Variants in LONRF3 observed in about 807,000 individuals in gnomAD.
The protein encoded by LONRF3 is LON peptidase N-terminal domain and RING finger protein 3.
Under a neutral mutation model 51.7 loss-of-function variants are expected in LONRF3, and 19 were observed. The ratio of observed to expected loss-of-function variants is 0.37; its 90% CI spans 0.26 to 0.54. The LOEUF (loss-of-function observed/expected upper bound fraction) is 0.54, where lower values mean the gene tolerates loss of function less well. Among genes scored for constraint, LONRF3 ranks in the 20% least tolerant of loss-of-function variants. The probability of loss-of-function intolerance (pLI) is 0.86; values close to 1 mark genes in which losing one functional copy is unlikely to be tolerated. For missense variants in LONRF3, 521 were observed against 623.9 expected, an observed-to-expected ratio of 0.84 and a Z score of 1.76; for synonymous variants, 265 against 257.8, an observed-to-expected ratio of 1.03 and a Z score of -0.27.
At chrX:118,981,817 G>C (rs1005049942) in intron 2 of LONRF3, among the ~76,000 whole-genome samples, 17 of 112,336 alleles carry the variant, frequency 1.5e-4, no homozygotes, top group African/African-American at 5.5e-4. Flanking sequence ...GGCCTGCAAA[G>C]AGGCATGTTA....
chrX:119,008,172 T>A (rs1924860710), intron 6 of LONRF3, among the ~76,000 whole-genome samples: 1 of 112,050 alleles, frequency 8.9e-6, no homozygotes, highest in Non-Finnish European at 1.9e-5. Flanking sequence ...CTATCTCTGT[T>A]TATTCACATA....
Position 119,013,178 on chromosome X carries a change from A to G in LONRF3, c.1951A>G (p.Ile651Val), listed in dbSNP as rs905529646. ...SQRDGYNTADIEYIEDQKVQG... is the reference protein window; with the variant it reads ...SQRDGYNTADVEYIEDQKVQG... ...GCGGGATGGCTACAACACAGCCGAC[A>G]TTGAATACATTGAAGACCAAAAGGT... The change falls in exon 9 of 11, where the codon ATT becomes GTT. Residue 651 changes from isoleucine (I) to valine (V), a missense_variant. Around this residue, in one of 2 missense-constraint regions of LONRF3, gnomAD observed 145 missense variants for 247.2 expected, o/e 0.59. Transcript: ENST00000371628. 8.3e-7 allele frequency: 1 copy of G among 1,209,656 alleles called. No homozygotes were observed. Among genetic ancestry groups the G allele is most frequent in the Non-Finnish European group, 1.1e-6 (1 of 894,981 alleles).
chrX:119,006,943 C>G (rs187977368), intron 6 of LONRF3, among the ~76,000 whole-genome samples: 1 of 108,526 alleles, frequency 9.2e-6, no homozygotes, highest in Non-Finnish European at 1.9e-5. Context: ...AGGCTGGTCT[C>G]GAACTCCTGA....
chrX:119,007,675 A>G (rs766448100), intron 6 of LONRF3, among the ~76,000 whole-genome samples: 1 of 111,846 alleles, frequency 8.9e-6, no homozygotes, highest in South Asian at 3.8e-4. Flanking sequence ...TCACCCCAGT[A>G]TTTAAATTAA....
rs1200170930 is a variant in LONRF3 at position 118,975,212 on chromosome X, C to T, written c.432C>T (p.Ala144=). 2 of 1,171,686 alleles carry T rather than the reference C, an allele frequency of 1.7e-6. No homozygotes were observed. Among genetic ancestry groups the T allele is most frequent in the East Asian group, 3.2e-5 (1 of 31,216 alleles). The change falls in exon 1 of 11, where the codon GCC becomes GCT. Residue 144 remains alanine, a synonymous_variant. Transcript: ENST00000371628. ...GTVAAEETGA[A]AAAAATEVWD... Reference sequence around the variant, plus strand: ...TGGCGGCGGAAGAGACGGGGGCCGCCGCGGCTGCGGCGGCCACCGAGGTGT... The same window carrying T: ...TGGCGGCGGAAGAGACGGGGGCCGCTGCGGCTGCGGCGGCCACCGAGGTGT...
intron 2 of LONRF3, among the ~76,000 whole-genome samples, chrX:118,978,800 C>T (rs1009236585): frequency 9.0e-6 from 1 of 110,906 alleles, no homozygotes; most frequent in Non-Finnish European, 1.9e-5. Context: ...ACTTAACTTC[C>T]CAGTACTTCA....
At chrX:119,013,006 A>G (rs377579748) in intron 8 of LONRF3, 33 bp from the exon 9 acceptor site, 18 of 1,206,488 alleles carry the variant, frequency 1.5e-5, no homozygotes, top group Non-Finnish European at 2.0e-5. Flanking sequence ...CTCATCAAGG[A>G]TCTAGTCTCT....
chrX:119,014,584 G>T (rs12851824), intron 10 of LONRF3, among the ~76,000 whole-genome samples: 1 of 111,613 alleles, frequency 9.0e-6, no homozygotes, highest in Non-Finnish European at 1.9e-5. Flanking sequence ...TGGATCCAAG[G>T]CAGGTTTTGA....
Position 118,993,293 on chromosome X carries a change from G to C in LONRF3, c.1415+2733G>C, listed in dbSNP as rs777564224. ...CAAAAACTGGCACAAGAAGTGAAGG[G>C]AGAAATATTCATGGAAATAGGTAGC... On this transcript the variant is annotated intron_variant, in intron 5 of 10. Transcript: ENST00000371628. Among the ~76,000 whole-genome samples, 3 of 111,669 alleles carry C rather than the reference G, an allele frequency of 2.7e-5. No homozygotes were observed. In the South Asian group the frequency reaches 1.1e-3, roughly 42 times the overall value.
At chrX:118,994,687 C>T (rs2147284878) in intron 5 of LONRF3, among the ~76,000 whole-genome samples, 1 of 111,678 alleles carries the variant, frequency 9.0e-6, no homozygotes, top group South Asian at 3.8e-4. Flanking sequence ...AGGCATGAGT[C>T]ACTGCACCCG....
chrX:118,979,533 A>G (rs1487900190), intron 2 of LONRF3, among the ~76,000 whole-genome samples: 1 of 105,708 alleles, frequency 9.5e-6, no homozygotes, highest in Non-Finnish European at 1.9e-5. Context: ...CAAGCAATCC[A>G]CTTGCCTCAG....
intron 1 of LONRF3, among the ~76,000 whole-genome samples, chrX:118,977,735 G>C (rs1370805711): frequency 8.9e-6 from 1 of 112,194 alleles, no homozygotes; most frequent in Non-Finnish European, 1.9e-5. Flanking sequence ...TTTTTGGTGA[G>C]AGCCGGCCTC....
chrX:119,012,919 A>G, intron 8 of LONRF3, 120 bp from the exon 9 acceptor site: 1 of 1,203,115 alleles, frequency 8.3e-7, no homozygotes, highest in Admixed American at 2.2e-5. Flanking sequence ...ACCCAGGGAC[A>G]GGAAAATAGG....
chrX:118,989,464 T>A lies in LONRF3; in HGVS notation c.1116T>A (p.Asp372Glu). The change falls in exon 4 of 11, where the codon GAT becomes GAA. Residue 372 changes from aspartate (D) to glutamate (E), a missense_variant. Physicochemically the swap from Asp to Glu is conservative, Grantham distance 45. Coordinates refer to ENST00000371628, the MANE Select transcript of LONRF3 (RefSeq NM_001031855.3). ...AGGAGGAAGCAGCAGCCAGGGGAGA[T>A]GGCAGCAGTCTGATGGACCCAGCTA... ...SSQEEAAARG[D>E]GSSLMDPAKV... 1 of 1,210,926 alleles carries A rather than the reference T, an allele frequency of 8.3e-7. No homozygotes were observed. Among genetic ancestry groups the A allele is most frequent in the Non-Finnish European group, 1.1e-6 (1 of 895,164 alleles).
Position 118,987,107 on chromosome X carries a change from C to T in LONRF3, c.1060-2301C>T, listed in dbSNP as rs139795843. 7.4e-5 allele frequency: 83 copies of T among 1,122,557 alleles called. No homozygotes were observed. The African/African-American group carries it at 1.3e-3, about 18-fold the overall frequency. The allele number at this position is 1,122,557 out of a possible 1,213,427, so 92.5% of individuals were successfully genotyped here. On this transcript the variant is annotated intron_variant, in intron 3 of 10. Transcript: ENST00000371628. ...TAAAACTCAACTCACCCAGCTCGCT[C>T]GTGACGCTTCGTTTGGCTGTTTTGT... is the stretch of plus-strand genomic sequence containing the variant.
chrX:118,992,957 A>G (rs1923535268), intron 5 of LONRF3, among the ~76,000 whole-genome samples: 1 of 111,512 alleles, frequency 9.0e-6, no homozygotes, highest in African/African-American at 3.3e-5. Flanking sequence ...AGCCACACCC[A>G]TAGGAAAAGG....
At chrX:119,012,011 A>G (rs1925143531) in intron 8 of LONRF3, 38 bp downstream of exon 8, 1 of 1,195,286 alleles carries the variant, frequency 8.4e-7, no homozygotes, top group African/African-American at 1.8e-5. Context: ...GAGGTTGTGT[A>G]ATGAGGGATT....
chrX:119,006,741 A>G (rs1015469134), intron 6 of LONRF3, among the ~76,000 whole-genome samples: 1 of 111,558 alleles, frequency 9.0e-6, no homozygotes, highest in African/African-American at 3.3e-5. Flanking sequence ...GGCGCCCGCC[A>G]CCACGCCTGG....
At chrX:118,980,426 A>G (rs1258569344) in intron 2 of LONRF3, among the ~76,000 whole-genome samples, 5 of 112,055 alleles carry the variant, frequency 4.5e-5, no homozygotes, top group Non-Finnish European at 7.5e-5. Context: ...TTTTGATGTC[A>G]AGCTTATGAA....
Sources: allele counts gnomAD v4.1 joint callset (sites outside exome capture counted in the v4.1 genomes callset), GRCh38; gene constraint gnomAD v4.1.1; regional missense constraint gnomAD v4.1.1; transcripts MANE v1.5; gene names NCBI Gene and HGNC (gene_info 2026-07-23, HGNC 2026-07-21).